The following NR6A1 variants were observed in gnomAD, a reference collection of about 807,000 sequenced individuals.
NR6A1 encodes retinoic acid receptor-related testis-associated receptor.
Under a neutral mutation model 59.1 loss-of-function variants are expected in NR6A1, and 7 were observed. The observed-to-expected ratio is 0.12, with a 90% CI of 0.07 to 0.22. The LOEUF (loss-of-function observed/expected upper bound fraction) is 0.22. NR6A1 is among the 10% of genes least tolerant of loss of function. The pLI is 1.00. For missense variants in NR6A1, 468 were observed against 611.6 expected, an observed-to-expected ratio of 0.77 and a Z score of 2.48; for synonymous variants, 243 against 236.1, an observed-to-expected ratio of 1.03 and a Z score of -0.27.
chr9:124,623,485 A>C (rs1338498728), intron 2 of NR6A1, among the ~76,000 whole-genome samples: 1 of 151,578 alleles, frequency 6.6e-6, no homozygotes, highest in Non-Finnish European at 1.5e-5. Context: ...TCAGATTCCC[A>C]ACTAGCTAGG....
chr9:124,663,385 G>A (rs1046602258), intron 2 of NR6A1, among the ~76,000 whole-genome samples: 1 of 152,076 alleles, frequency 6.6e-6, no homozygotes, highest in African/African-American at 2.4e-5. Context: ...CTTGGTGCAA[G>A]AAACATGAGT....
At chr9:124,553,989 T>C (rs1000319843) in intron 3 of NR6A1, among the ~76,000 whole-genome samples, 3 of 152,146 alleles carry the variant, frequency 2.0e-5, no homozygotes, top group African/African-American at 7.2e-5. Context: ...TTCAGCAATC[T>C]CCTACCTCAT....
At chr9:124,682,741 G>A (rs1838205951) in intron 2 of NR6A1, among the ~76,000 whole-genome samples, 1 of 152,158 alleles carries the variant, frequency 6.6e-6, no homozygotes. Flanking sequence ...TGATTTTTAT[G>A]AATGTAAGGG....
Position 124,727,025 on chromosome 9 carries a change from A to G in NR6A1, c.142+6283T>C, listed in dbSNP as rs1014132783. Among the ~76,000 whole-genome samples, 10 of 152,110 alleles carry G rather than the reference A, an allele frequency of 6.6e-5. No homozygotes were observed. In the East Asian group the frequency reaches 7.7e-4, roughly 12 times the overall value. On this transcript the variant is annotated intron_variant, in intron 2 of 9. Coordinates refer to ENST00000487099, the MANE Select transcript of NR6A1 (RefSeq NM_033334.4). The stretch of plus-strand genomic sequence containing the variant: ...AAGCTCTTTTGATATGTAAGTTCTT[A>G]TACTTCCAGAAACTCTGCATTCCAG...
chr9:124,690,520 CT>C (rs1165191750), intron 2 of NR6A1, among the ~76,000 whole-genome samples: 1 of 151,980 alleles, frequency 6.6e-6, no homozygotes, highest in Non-Finnish European at 1.5e-5. Context: ...GTTGGATTGG[CT>C]TGTTAAATGT....
chr9:124,741,731 G>C (rs1477932943), intron 1 of NR6A1, among the ~76,000 whole-genome samples: 1 of 152,224 alleles, frequency 6.6e-6, no homozygotes, highest in Non-Finnish European at 1.5e-5. Flanking sequence ...GTGCAGAGTA[G>C]AAAGAGCATA....
chr9:124,642,017 C>T (rs772198226), intron 2 of NR6A1, among the ~76,000 whole-genome samples: 1 of 152,042 alleles, frequency 6.6e-6, no homozygotes, highest in Non-Finnish European at 1.5e-5. Context: ...TCTATCACTA[C>T]CACTTAACAG....
chr9:124,605,220 G>A (rs2130829845), intron 2 of NR6A1, among the ~76,000 whole-genome samples: 1 of 152,218 alleles, frequency 6.6e-6, no homozygotes, highest in East Asian at 1.9e-4. Flanking sequence ...GGATGTAATC[G>A]GCAATATCTG....
intron 6 of NR6A1, among the ~76,000 whole-genome samples, chr9:124,536,490 C>T (rs1369713054): frequency 7.9e-5 from 12 of 152,030 alleles, no homozygotes; most frequent in Admixed American, 7.9e-4. Context: ...GAAACCCCAT[C>T]TCTACTAAAA....
At chr9:124,695,484 C>T (rs1448452637) in intron 2 of NR6A1, among the ~76,000 whole-genome samples, 2 of 152,182 alleles carry the variant, frequency 1.3e-5, no homozygotes, top group East Asian at 1.9e-4. Flanking sequence ...AAGTGATTCT[C>T]GTGCCTCAGC....
At chr9:124,559,518 G>A (rs538716038) in intron 2 of NR6A1, among the ~76,000 whole-genome samples, 9 of 152,310 alleles carry the variant, frequency 5.9e-5, no homozygotes, top group Non-Finnish European at 1.2e-4. Context: ...GCTCACACCT[G>A]TAATCCCAGC....
chr9:124,765,967 C>T (rs1354134051), intron 1 of NR6A1, among the ~76,000 whole-genome samples: 9 of 152,188 alleles, frequency 5.9e-5, no homozygotes, highest in African/African-American at 2.2e-4. Flanking sequence ...AAGGGTGTTA[C>T]AGTCTAACAC....
chr9:124,584,401 G>A (rs1464134786), intron 2 of NR6A1, among the ~76,000 whole-genome samples: 4 of 152,074 alleles, frequency 2.6e-5, no homozygotes. Flanking sequence ...ACCGCGCCCA[G>A]CCACTTTATT....
At chr9:124,603,583 A>G (rs889894161) in intron 2 of NR6A1, among the ~76,000 whole-genome samples, 1 of 151,996 alleles carries the variant, frequency 6.6e-6, no homozygotes, top group Non-Finnish European at 1.5e-5. Context: ...TCAGTGTAGA[A>G]CCACCTGTTG....
chr9:124,693,606 T>C (rs1223317854), intron 2 of NR6A1: 1 of 443,296 alleles, frequency 2.3e-6, no homozygotes, highest in Non-Finnish European at 4.7e-6. Flanking sequence ...GATGGCTGGT[T>C]ACTAAGGGAG....
intron 2 of NR6A1, among the ~76,000 whole-genome samples, chr9:124,697,730 C>G (rs1292712143): frequency 6.6e-6 from 1 of 151,058 alleles, no homozygotes; most frequent in Non-Finnish European, 1.5e-5. Flanking sequence ...TTTTGGCGTT[C>G]TAGTCATTGT....
intron 2 of NR6A1, among the ~76,000 whole-genome samples, chr9:124,732,457 TTATC>T (rs985005469): frequency 2.0e-5 from 3 of 152,200 alleles, no homozygotes; most frequent in Admixed American, 1.3e-4. Flanking sequence ...ATGCAAATGA[TTATC>T]TATGATGAAG....
intron 7 of NR6A1, among the ~76,000 whole-genome samples, chr9:124,529,553 C>T (rs1262453557): frequency 6.6e-6 from 1 of 152,194 alleles, no homozygotes; most frequent in African/African-American, 2.4e-5. Flanking sequence ...AATGTTCAAA[C>T]CTAGGTTTTC....
intron 1 of NR6A1, among the ~76,000 whole-genome samples, chr9:124,760,575 A>C (rs1443688106): frequency 3.3e-5 from 5 of 152,196 alleles, no homozygotes; most frequent in Non-Finnish European, 7.3e-5. Flanking sequence ...ATATTGGAGA[A>C]GAGGGGATGT....
Sources: gnomAD v4.1 joint callset for allele counts (sites outside exome capture counted in the v4.1 genomes callset) on GRCh38, gnomAD v4.1.1 for gene constraint, MANE v1.5 for transcripts, NCBI Gene and HGNC (gene_info 2026-07-23, HGNC 2026-07-21) for gene names.